PTCHD1: variants seen among roughly 807,000 people sequenced by gnomAD.
PTCHD1 encodes the protein patched domain-containing protein 1.
Under a neutral mutation model 34.6 loss-of-function variants are expected in PTCHD1, and 3 were observed. The ratio of observed to expected loss-of-function variants is 0.09; its 90% CI spans 0.04 to 0.22. The LOEUF is 0.22. Among genes scored for constraint, PTCHD1 ranks in the 10% least tolerant of loss-of-function variants. The pLI, the probability that PTCHD1 is intolerant of heterozygous loss-of-function variation, is 1.00. For synonymous variants in PTCHD1, 305 were observed against 283.1 expected, an observed-to-expected ratio of 1.08 and a Z score of -0.77; for missense variants, 504 against 685.5, an observed-to-expected ratio of 0.74 and a Z score of 2.96.
chrX:23,384,301 T>C (rs897311952), intron 2 of PTCHD1, among the ~76,000 whole-genome samples: 2 of 112,363 alleles, frequency 1.8e-5, no homozygotes, highest in South Asian at 7.3e-4. Flanking sequence ...AAAAATACTC[T>C]TTAAGCCCTT....
rs918212592 is a variant in PTCHD1, at chrX:23,402,706, T to C, written c.*8521T>C. The C allele has an allele frequency of 3.6e-5, 4 of 112,021 alleles. No homozygotes were observed. The highest frequency in any genetic ancestry group is 3.7e-4 in the South Asian group (1 of 2,685). The allele number at this position is 112,021 out of a possible 1,213,427, so 9.2% of individuals were successfully genotyped here. On this transcript the variant is annotated 3_prime_UTR_variant, in exon 3 of 3. Coordinates refer to ENST00000379361, the MANE Select transcript of PTCHD1 (RefSeq NM_173495.3). ...TCCAGCTTAGAACCCTTGAGCAAAA[T>C]TATTGAATTATTGAATGCTAGGCCC... is the stretch of plus-strand genomic sequence containing the variant.
intron 1 of PTCHD1, 126 bp downstream of exon 1, chrX:23,335,352 T>G (rs1402495380): frequency 2.0e-5 from 11 of 556,161 alleles, no homozygotes; most frequent in Non-Finnish European, 2.6e-5. Flanking sequence ...GGGACTCTCC[T>G]GCACCGCGCG....
chrX:23,343,614 A>G (rs1434402839), intron 1 of PTCHD1, among the ~76,000 whole-genome samples: 1 of 112,606 alleles, frequency 8.9e-6, no homozygotes, highest in African/African-American at 3.2e-5. Flanking sequence ...CACTCTTCTT[A>G]AAAGTTAGCC....
At chrX:23,389,648 C>T (rs772732055) in intron 2 of PTCHD1, among the ~76,000 whole-genome samples, 1 of 111,568 alleles carries the variant, frequency 9.0e-6, no homozygotes, top group African/African-American at 3.3e-5. Flanking sequence ...GCTGAGTGAT[C>T]GGTTAGAACA....
intron 1 of PTCHD1, among the ~76,000 whole-genome samples, chrX:23,366,151 G>C (rs765959826): frequency 2.7e-5 from 3 of 112,129 alleles, no homozygotes; most frequent in African/African-American, 9.7e-5. Flanking sequence ...TCTCCTTCAA[G>C]CTAGTATGAC....
At position 23,403,525 on chromosome X, in the gene PTCHD1, C is replaced by T. The variant is rs781383976; in HGVS notation, c.*9340C>T. 83 of 111,816 alleles carry T rather than the reference C, an allele frequency of 7.4e-4. No homozygotes were observed. Among genetic ancestry groups the T allele is most frequent in the African/African-American group, 2.6e-3 (80 of 30,828 alleles). 9.2% of individuals were successfully genotyped at this position (111,816 alleles called of 1,213,427 possible). On this transcript the variant is annotated 3_prime_UTR_variant, in exon 3 of 3. Transcript: ENST00000379361. ...CAAAAATGTACCCAGAACAATTTCC[C>T]ACAAAGAGCTGTAATACTTTGCAGC...
chrX:23,335,251 ACTC>A lies in PTCHD1; in HGVS notation c.351+27_351+29del, dbSNP rs765904207. The A allele has an allele frequency of 1.1e-5, 13 of 1,152,010 alleles. No individual in the cohort carries two copies. The South Asian group carries it at 2.2e-4, about 19-fold the overall frequency. 94.9% of individuals were successfully genotyped at this position (1,152,010 alleles called of 1,213,427 possible). ...GGTGAGAGGGGACGGGTGCGGGCAGACTCCGCCAGCGCCGCGGCCGCGGTCGGG... is the reference window on the plus strand; with the variant it reads ...GGTGAGAGGGGACGGGTGCGGGCAGACGCCAGCGCCGCGGCCGCGGTCGGG... On this transcript the variant is annotated intron_variant, in intron 1 of 2. Transcript: ENST00000379361.
At chrX:23,346,513 T>C (rs976924541) in intron 1 of PTCHD1, among the ~76,000 whole-genome samples, 4 of 112,005 alleles carry the variant, frequency 3.6e-5, no homozygotes, top group African/African-American at 6.5e-5. Flanking sequence ...TGATCAGATA[T>C]CATCTGAGAG....
At chrX:23,385,781 T>C (rs1024199812) in intron 2 of PTCHD1, among the ~76,000 whole-genome samples, 5 of 111,539 alleles carry the variant, frequency 4.5e-5, no homozygotes, top group Admixed American at 9.6e-5. Context: ...AACACTAACA[T>C]TATTTTGCCT....
intron 1 of PTCHD1, among the ~76,000 whole-genome samples, chrX:23,357,914 G>A (rs1391164071): frequency 9.0e-6 from 1 of 111,142 alleles, no homozygotes; most frequent in Non-Finnish European, 1.9e-5. Context: ...GCACTGTTTG[G>A]TTTTCTCTCC....
intron 1 of PTCHD1, among the ~76,000 whole-genome samples, chrX:23,364,899 C>G (rs1044268726): frequency 3.6e-5 from 4 of 112,515 alleles, no homozygotes. Context: ...AAAAGCCAAA[C>G]AAATGCCTGC....
At chrX:23,357,378 C>T (rs555346565) in intron 1 of PTCHD1, among the ~76,000 whole-genome samples, 1 of 111,522 alleles carries the variant, frequency 9.0e-6, no homozygotes, top group African/African-American at 3.3e-5. Context: ...TTAAAAAGAC[C>T]GGCAGTACTG....
chrX:23,360,854 G>C (rs1921961084), intron 1 of PTCHD1, among the ~76,000 whole-genome samples: 1 of 112,094 alleles, frequency 8.9e-6, no homozygotes, highest in African/African-American at 3.2e-5. Context: ...TTGTGTCTTT[G>C]TTCTCATTGG....
chrX:23,349,266 AAACAG>A (rs1241084608), intron 1 of PTCHD1, among the ~76,000 whole-genome samples: 2 of 111,989 alleles, frequency 1.8e-5, no homozygotes, highest in Non-Finnish European at 3.8e-5. Context: ...CAAAAACAAA[AAACAG>A]AACAGTTACC....
At position 23,361,788 on chromosome X, in the gene PTCHD1, C is replaced by T. The variant is rs551387169; in HGVS notation, c.352-17803C>T. Among the ~76,000 whole-genome samples the T allele has an allele frequency of 7.3e-4, 82 of 111,949 alleles. No individual in the cohort carries two copies. The South Asian group carries it at 0.028, about 38-fold the overall frequency. The stretch of plus-strand genomic sequence containing the variant: ...GGCATGTTTTTGCAGTGGCTGGTAC[C>T]GTTTGTTCCTTTCCATGTTTAGTGC... On this transcript the variant is annotated intron_variant, in intron 1 of 2. Coordinates refer to ENST00000379361, the MANE Select transcript of PTCHD1 (RefSeq NM_173495.3).
At chrX:23,368,779 A>G (rs1922208003) in intron 1 of PTCHD1, among the ~76,000 whole-genome samples, 1 of 111,754 alleles carries the variant, frequency 8.9e-6, no homozygotes, top group African/African-American at 3.3e-5. Context: ...AGAAACATAC[A>G]TGGCCGGGTG....
In PTCHD1 at chrX:23,370,258, A is replaced by T. The variant is rs549420907; in HGVS notation, c.352-9333A>T. 4.4e-4 allele frequency among the ~76,000 whole-genome samples: 49 copies of T among 112,196 alleles called. No homozygotes were observed. The South Asian group carries it at 0.018, about 41-fold the overall frequency. On this transcript the variant is annotated intron_variant, in intron 1 of 2. Coordinates refer to ENST00000379361, the MANE Select transcript of PTCHD1 (RefSeq NM_173495.3). ...AGTGTCCAGGATCACACATCTCCTT[A>T]GTGCCAAAGCTGGGATTTGAGCCTA...
rs761232825 is a variant in PTCHD1 at position 23,392,488 on chromosome X, T to G, written c.1013-43T>G. 5 of 880,443 alleles carry G rather than the reference T, an allele frequency of 5.7e-6. No individual in the cohort carries two copies. In the Admixed American group the frequency reaches 1.1e-4, roughly 19 times the overall value. The allele number at this position is 880,443 out of a possible 1,213,427, so 72.6% of individuals were successfully genotyped here. A position where few individuals can be genotyped will look rare whatever the true frequency, so the allele number is the denominator to read the frequency against. On this transcript the variant is annotated intron_variant, in intron 2 of 2. Transcript: ENST00000379361. ...CAAGTTGATTTCCCTCTTAAGAGAT[T>G]AGTTCTTTAAACTTCTGCTCTGGTC...
At chrX:23,339,204 GA>G (rs776048053) in intron 1 of PTCHD1, among the ~76,000 whole-genome samples, 10 of 112,307 alleles carry the variant, frequency 8.9e-5, no homozygotes, top group Non-Finnish European at 1.9e-4. Context: ...AAACGAATTT[GA>G]AATGTATTTA....
Sources: gnomAD v4.1 joint callset for allele counts (sites outside exome capture counted in the v4.1 genomes callset) on GRCh38, gnomAD v4.1.1 for gene constraint, MANE v1.5 for transcripts, NCBI Gene and HGNC (gene_info 2026-07-23, HGNC 2026-07-21) for gene names.